CASZ1: variants seen among roughly 807,000 people sequenced by gnomAD.
The protein encoded by CASZ1 is castor zinc finger 1, also known as zinc finger protein castor homolog 1.
A neutral mutation model predicts 135.2 loss-of-function variants in CASZ1; 28 were observed. The observed-to-expected ratio is 0.21, with a 90% confidence interval of 0.15 to 0.28. CASZ1 has a LOEUF of 0.28. CASZ1 is among the 10% of genes least tolerant of loss of function. The pLI, the probability that CASZ1 is intolerant of heterozygous loss-of-function variation, is 1.00. For missense variants in CASZ1, 2,161 were observed against 2,453.3 expected (o/e 0.88, Z 2.52); for synonymous variants, 1,068 against 1,073.4 (o/e 0.99, Z 0.10).
intron 3 of CASZ1, among the ~76,000 whole-genome samples, chr1:10,702,718 C>T (rs1282548066): frequency 1.3e-5 from 2 of 152,118 alleles, no homozygotes. Flanking sequence ...CACTGCCCCA[C>T]CCCTGCCAGC....
chr1:10,730,962 C>T (rs561805613), intron 2 of CASZ1, among the ~76,000 whole-genome samples: 131 of 152,138 alleles, frequency 8.6e-4, no homozygotes, highest in African/African-American at 2.8e-3. Flanking sequence ...AAAAATTAAC[C>T]GGGCATGGTG....
At chr1:10,682,937 T>C (rs1433323330) in intron 4 of CASZ1, among the ~76,000 whole-genome samples, 9 of 152,212 alleles carry the variant, frequency 5.9e-5, no homozygotes. Flanking sequence ...TGTGCCTGGC[T>C]CTCCAGGCCT....
At chr1:10,736,029 A>C (rs1342493197) in intron 2 of CASZ1, among the ~76,000 whole-genome samples, 1 of 152,024 alleles carries the variant, frequency 6.6e-6, no homozygotes, top group East Asian at 1.9e-4. Context: ...CCCAAAGATC[A>C]CTCTGTCCTG....
rs1418637403 is a variant in CASZ1, at chr1:10,665,457, A to G, written c.131T>C (p.Val44Ala). The change falls in exon 5 of 21, where the codon GTG (valine) becomes GCG (alanine). Residue 44 changes from valine to alanine, a missense_variant. Val to Ala is a moderately conservative substitution (Grantham distance 64). Around this residue, in one of 7 missense-constraint regions of CASZ1, gnomAD observed 590 missense variants for 609.8 expected, o/e 0.97. Coordinates refer to ENST00000377022, the MANE Select transcript of CASZ1 (RefSeq NM_001079843.3). ...GGAGCCGGCGTCAGCTCGCTTCTCC[A>G]CCACCACCTGGCGGCTCAGCTTGGC... is the stretch of plus-strand genomic sequence containing the variant. ...ICAKLSRQVV[V>A]EKRADAGSHT... is the part of the protein sequence containing the mutation. The G allele has an allele frequency of 6.2e-7, 1 of 1,609,828 alleles. No homozygotes were observed. The highest frequency in any genetic ancestry group is 1.7e-5 in the Admixed American group (1 of 59,984).
intron 4 of CASZ1, among the ~76,000 whole-genome samples, chr1:10,686,339 C>A (rs1192120287): frequency 6.6e-6 from 1 of 152,228 alleles, no homozygotes; most frequent in African/African-American, 2.4e-5. Context: ...GAAATCATCC[C>A]CCGCCCCTAC....
At chr1:10,751,997 C>A (rs1640159195) in intron 2 of CASZ1, among the ~76,000 whole-genome samples, 1 of 152,172 alleles carries the variant, frequency 6.6e-6, no homozygotes, top group African/African-American at 2.4e-5. Flanking sequence ...CAGTAAGGAC[C>A]CCATCAAGCT....
intron 1 of CASZ1, among the ~76,000 whole-genome samples, chr1:10,768,947 C>A (rs1479521860): frequency 6.6e-6 from 1 of 152,174 alleles, no homozygotes; most frequent in Non-Finnish European, 1.5e-5. Context: ...TCGAGACGAG[C>A]CTGTCCAACA....
chr1:10,725,876 C>T lies in CASZ1; in HGVS notation c.-76-20332G>A, dbSNP rs1347617230. 6.6e-6 allele frequency among the ~76,000 whole-genome samples: 1 copy of T among 152,092 alleles called. No homozygotes were observed. The highest frequency in any genetic ancestry group is 1.5e-5 in the Non-Finnish European group (1 of 68,016). On this transcript the variant is annotated intron_variant, in intron 2 of 20. Transcript: ENST00000377022. This position sits in a 1 kb window ranked among gnomAD's most constrained non-coding sequence, Gnocchi z 4.4. ...AGAGTCATTGAGGGGGCCAGAGGGC[C>T]TGCCGAATGTTCTAGAAGGATGGGC...
chr1:10,670,091 G>C (rs1643355462), intron 4 of CASZ1, among the ~76,000 whole-genome samples: 1 of 152,158 alleles, frequency 6.6e-6, no homozygotes, highest in African/African-American at 2.4e-5. Flanking sequence ...CCTGGGTTGG[G>C]GGTGGGCTGG....
In CASZ1 at chr1:10,759,969, C is replaced by T. The variant is rs55772670; in HGVS notation, c.-77+732G>A. Among the ~76,000 whole-genome samples, 448 of 152,328 alleles carry T rather than the reference C, an allele frequency of 2.9e-3. 1 individual carries two copies. The highest frequency in any genetic ancestry group is 4.7e-3 in the Non-Finnish European group (320 of 68,024). On this transcript the variant is annotated intron_variant, in intron 2 of 20. Coordinates refer to ENST00000377022, the MANE Select transcript of CASZ1 (RefSeq NM_001079843.3). The surrounding 1 kb of genome is among the most constrained non-coding windows in gnomAD (Gnocchi z 4.2). ...ATAATGACCAGCATGCAATGAGTCA[C>T]CCAATGTGTGTCAACCCCTCACCCC... is the stretch of plus-strand genomic sequence containing the variant.
chr1:10,638,807 C>G lies in CASZ1; in HGVS notation c.*135G>C. The G allele has an allele frequency of 2.2e-6, 2 of 892,030 alleles. No individual in the cohort carries two copies. The highest frequency in any genetic ancestry group is 2.7e-6 in the Non-Finnish European group (2 of 745,132). The allele number at this position is 892,030 out of a possible 1,614,324, so 55.3% of individuals were successfully genotyped here. The stretch of plus-strand genomic sequence containing the variant: ...CGCGGAGCACCAGAGGGGTCCCCGC[C>G]TCTGTCCTGAGACGGACTCGGGGTC... On this transcript the variant is annotated 3_prime_UTR_variant, in exon 21 of 21. Coordinates refer to ENST00000377022, the MANE Select transcript of CASZ1 (RefSeq NM_001079843.3). The surrounding 1 kb of genome is among the most constrained non-coding windows in gnomAD (Gnocchi z 5.9).
chr1:10,672,238 T>A (rs1216298562), intron 4 of CASZ1, among the ~76,000 whole-genome samples: 1 of 30,450 alleles, frequency 3.3e-5, no homozygotes, highest in Non-Finnish European at 6.1e-5. Context: ...CCCTCCGCAC[T>A]ATAAAAACAC....
rs969087276 is a variant in CASZ1, at chr1:10,709,038, C to T, written c.-76-3494G>A. 3.3e-5 allele frequency among the ~76,000 whole-genome samples: 5 copies of T among 151,464 alleles called. No individual in the cohort carries two copies. Among genetic ancestry groups the T allele is most frequent in the East Asian group, 3.9e-4 (2 of 5,148 alleles). ...AGATGGGACGGGGGAGAGTGACAGG[C>T]GGAGAAGTGGCAGGGACCAGCGTAC... On this transcript the variant is annotated intron_variant, in intron 2 of 20. Coordinates refer to ENST00000377022, the MANE Select transcript of CASZ1 (RefSeq NM_001079843.3). The surrounding 1 kb of genome is among the most constrained non-coding windows in gnomAD (Gnocchi z 5.1).
rs921628498 is a variant in CASZ1 at position 10,717,542 on chromosome 1, T to C, written c.-76-11998A>G. 9.2e-5 allele frequency among the ~76,000 whole-genome samples: 14 copies of C among 152,318 alleles called. 1 individual carries two copies. Among genetic ancestry groups the C allele is most frequent in the African/African-American group, 3.1e-4 (13 of 41,556 alleles). ...AGTGCATTTAAAGAGACAGACACCCTGTCCCTCCCTCCTCACCAGCCCCTG... is the reference window on the plus strand; with the variant it reads ...AGTGCATTTAAAGAGACAGACACCCCGTCCCTCCCTCCTCACCAGCCCCTG... On this transcript the variant is annotated intron_variant, in intron 2 of 20. Coordinates refer to ENST00000377022, the MANE Select transcript of CASZ1 (RefSeq NM_001079843.3). The surrounding 1 kb of genome is among the most constrained non-coding windows in gnomAD (Gnocchi z 4.6).
At chr1:10,792,327 GCC>G (rs1253094777) in intron 1 of CASZ1, among the ~76,000 whole-genome samples, 3,389 of 26,110 alleles carry the variant, frequency 0.13, 364 homozygotes, top group South Asian at 0.19. Context: ...CCTCCCCCCC[GCC>G]CCCCCCCCCC....
Position 10,788,291 on chromosome 1 carries a change from C to T in CASZ1, c.-234+8273G>A, listed in dbSNP as rs1286902326. Among the ~76,000 whole-genome samples, 2 of 152,086 alleles carry T rather than the reference C, an allele frequency of 1.3e-5. No individual in the cohort carries two copies. Among genetic ancestry groups the T allele is most frequent in the Non-Finnish European group, 2.9e-5 (2 of 68,010 alleles). On this transcript the variant is annotated intron_variant, in intron 1 of 20. Transcript: ENST00000377022. This position sits in a 1 kb window ranked among gnomAD's most constrained non-coding sequence, Gnocchi z 4.1. ...AGCCCCGATCCACCTATGGGGTCCC[C>T]TGGGTGACAGTTTGACAGCACTCTC...
intron 2 of CASZ1, among the ~76,000 whole-genome samples, chr1:10,732,702 C>G (rs1159595625): frequency 6.6e-6 from 1 of 152,166 alleles, no homozygotes; most frequent in Non-Finnish European, 1.5e-5. Flanking sequence ...GGGGAGGTGG[C>G]CCCTTCTGCC....
chr1:10,735,191 C>T lies in CASZ1; in HGVS notation c.-77+25510G>A, dbSNP rs1158057012. 1.3e-5 allele frequency among the ~76,000 whole-genome samples: 2 copies of T among 152,192 alleles called. No individual in the cohort carries two copies. The highest frequency in any genetic ancestry group is 2.9e-5 in the Non-Finnish European group (2 of 68,032). ...AAGACGGCGGTAATTTACGGCATCA[C>T]AAAATTAGTTGTCATGGCGACGGGT... On this transcript the variant is annotated intron_variant, in intron 2 of 20. Coordinates refer to ENST00000377022, the MANE Select transcript of CASZ1 (RefSeq NM_001079843.3). This position sits in a 1 kb window ranked among gnomAD's most constrained non-coding sequence, Gnocchi z 5.1.
At chr1:10,664,364 C>T (rs72858535) in intron 5 of CASZ1, among the ~76,000 whole-genome samples, 6,087 of 150,542 alleles carry the variant, frequency 0.04, 197 homozygotes, top group South Asian at 0.097. Context: ...GAGCAGAAGG[C>T]GCGCAGGGCT....
Sources: gnomAD v4.1 joint callset for allele counts (sites outside exome capture counted in the v4.1 genomes callset) on GRCh38, gnomAD v4.1.1 for gene constraint, gnomAD v4.1.1 regional missense constraint, Gnocchi (gnomAD v3.1) non-coding constraint, MANE v1.5 for transcripts, NCBI Gene and HGNC (gene_info 2026-07-23, HGNC 2026-07-21) for gene names.